The following FBXO5 variants were observed in gnomAD, a reference collection of about 807,000 sequenced individuals.
FBXO5 encodes the protein F-box protein 5.
In FBXO5, 8 loss-of-function variants were observed where a neutral mutation model predicts 43.3. The ratio of observed to expected loss-of-function variants is 0.18; its 90% CI spans 0.11 to 0.33. The LOEUF (loss-of-function observed/expected upper bound fraction) is 0.33, where lower values mean the gene tolerates loss of function less well. Ranked by LOEUF, FBXO5 falls within the 10% of genes least tolerant of loss-of-function variation. FBXO5 has a pLI of 1.00. For missense variants in FBXO5, 491 were observed against 535.7 expected, an observed-to-expected ratio of 0.92 and a Z score of 0.82; for synonymous variants, 204 against 193.7, an observed-to-expected ratio of 1.05 and a Z score of -0.44.
chr6:152,973,020 T>C (rs1473030269), intron 3 of FBXO5, 26 bp downstream of exon 3: 2 of 1,593,486 alleles, frequency 1.3e-6, no homozygotes, highest in South Asian at 1.1e-5. Context: ...CATTTTTAAC[T>C]AAAAACATCA....
In FBXO5 at chr6:152,970,705, A is replaced by G. The variant is rs1409759469; in HGVS notation, c.*458T>C. 1 of 152,580 alleles carries G rather than the reference A, an allele frequency of 6.6e-6. No individual in the cohort carries two copies. 9.5% of individuals were successfully genotyped at this position (152,580 alleles called of 1,614,324 possible). A position where few individuals can be genotyped will look rare whatever the true frequency, so the allele number is the denominator to read the frequency against. On this transcript the variant is annotated 3_prime_UTR_variant, in exon 5 of 5. Coordinates refer to ENST00000229758, the MANE Select transcript of FBXO5 (RefSeq NM_012177.5). ...ACTTTCTTGGGAAATACACACAATG[A>G]AAAAAAGCTTTAGAAAGGTGACAAC...
At chr6:152,976,153 A>T (rs1372840829) in intron 1 of FBXO5, among the ~76,000 whole-genome samples, 2 of 152,230 alleles carry the variant, frequency 1.3e-5, no homozygotes, top group African/African-American at 4.8e-5. Flanking sequence ...AGATTAGTAC[A>T]GGAGGACAAG....
rs564680656 is a variant in FBXO5 at position 152,981,987 on chromosome 6, C to T, written c.103+870G>A. On this transcript the variant is annotated intron_variant, in intron 1 of 4. Transcript: ENST00000229758. ...GACTATCTAATTCTTCATGAGTTAT[C>T]GGGAAAAAGTCACCAATTCTTCGAT... Among the ~76,000 whole-genome samples the T allele has an allele frequency of 2.0e-5, 3 of 152,278 alleles. No homozygotes were observed. In the East Asian group the frequency reaches 5.8e-4, roughly 29 times the overall value.
At chr6:152,977,588 A>C (rs1233489337) in intron 1 of FBXO5, among the ~76,000 whole-genome samples, 3 of 152,230 alleles carry the variant, frequency 2.0e-5, no homozygotes, top group Non-Finnish European at 4.4e-5. Flanking sequence ...CCCTAAACCT[A>C]GAACAAATGA....
At position 152,972,397 on chromosome 6, in the gene FBXO5, T is replaced by C; in HGVS notation, c.967A>G (p.Thr323Ala). Residue 323 changes from threonine (T) to alanine (A), a missense_variant, in exon 4 of 5, where the codon ACC becomes GCC. Transcript: ENST00000229758. ...ASTREYVMFR[T>A]PLASVQKSAA... Reference sequence around the variant, plus strand: ...GATTTCTGAACAGAAGCCAGTGGGGTTCTGAACATAACATATTCTCTGGTT... The same window carrying C: ...GATTTCTGAACAGAAGCCAGTGGGGCTCTGAACATAACATATTCTCTGGTT... The C allele has an allele frequency of 6.2e-7, 1 of 1,612,330 alleles. No homozygotes were observed. The highest frequency in any genetic ancestry group is 1.1e-5 in the South Asian group (1 of 90,824).
chr6:152,976,853 A>G (rs1316451848), intron 1 of FBXO5, among the ~76,000 whole-genome samples: 1 of 152,122 alleles, frequency 6.6e-6, no homozygotes, highest in African/African-American at 2.4e-5. Flanking sequence ...TGCAGTGAAT[A>G]CCTCTTTGTT....
chr6:152,972,120 A>G, intron 4 of FBXO5, 152 bp downstream of exon 4: 1 of 519,280 alleles, frequency 1.9e-6, no homozygotes, highest in Non-Finnish European at 3.3e-6. Context: ...CTATAATTAA[A>G]TTTAAATGAT....
At position 152,973,156 on chromosome 6, in the gene FBXO5, T is replaced by C. The variant is rs548499325; in HGVS notation, c.819-20A>G. On this transcript the variant is annotated intron_variant, in intron 2 of 4. Coordinates refer to ENST00000229758, the MANE Select transcript of FBXO5 (RefSeq NM_012177.5). The stretch of plus-strand genomic sequence containing the variant: ...GACACACTGGAAAAGTAAATCACCA[T>C]AAATGAAATAATTAAAGCATCACAA... 4.4e-6 allele frequency: 7 copies of C among 1,577,556 alleles called. No homozygotes were observed. The highest frequency in any genetic ancestry group is 6.1e-6 in the Non-Finnish European group (7 of 1,147,460).
chr6:152,982,719 C>T (rs1020356129), intron 1 of FBXO5, 138 bp downstream of exon 1: 2 of 550,890 alleles, frequency 3.6e-6, no homozygotes, highest in Non-Finnish European at 5.9e-6. Context: ...GAACCGCTGC[C>T]GCCGCCCGAG....
rs560092200 is a variant in FBXO5, at chr6:152,974,851, A to G, written c.818+56T>C. ...TTGCATGAGCTGGTGGTACTGAGCCACTAACAGCAATGTTCAGTGTATTAT... is the reference window on the plus strand; with the variant it reads ...TTGCATGAGCTGGTGGTACTGAGCCGCTAACAGCAATGTTCAGTGTATTAT... On this transcript the variant is annotated intron_variant, in intron 2 of 4. Transcript: ENST00000229758. 102 of 1,391,578 alleles carry G rather than the reference A, an allele frequency of 7.3e-5. No homozygotes were observed. The African/African-American group carries it at 1.3e-3, about 18-fold the overall frequency. The allele number at this position is 1,391,578 out of a possible 1,614,324, so 86.2% of individuals were successfully genotyped here. A position where few individuals can be genotyped will look rare whatever the true frequency, so the allele number is the denominator to read the frequency against.
At chr6:152,978,311 A>G (rs1251608354) in intron 1 of FBXO5, among the ~76,000 whole-genome samples, 2 of 126,652 alleles carry the variant, frequency 1.6e-5, no homozygotes, top group Non-Finnish European at 3.1e-5. Flanking sequence ...TTCCCTGCTT[A>G]GAATCTTTTC....
At chr6:152,974,359 T>C (rs1778131825) in intron 2 of FBXO5, among the ~76,000 whole-genome samples, 1 of 152,212 alleles carries the variant, frequency 6.6e-6, no homozygotes, top group Non-Finnish European at 1.5e-5. Flanking sequence ...CTATTAGACA[T>C]GTAGACTGGA....
At chr6:152,974,792 T>C in intron 2 of FBXO5, 115 bp downstream of exon 2, 1 of 788,776 alleles carries the variant, frequency 1.3e-6, no homozygotes. Flanking sequence ...ACTAAGCATT[T>C]CAGATGAGGG....
chr6:152,981,338 A>T (rs1316891494), intron 1 of FBXO5, among the ~76,000 whole-genome samples: 1 of 152,164 alleles, frequency 6.6e-6, no homozygotes, highest in Non-Finnish European at 1.5e-5. Context: ...AATATCATAA[A>T]TAAGGCTGCA....
Position 152,982,905 on chromosome 6 carries a change from C to T in FBXO5, c.55G>A (p.Ala19Thr). 1 of 1,496,252 alleles carries T rather than the reference C, an allele frequency of 6.7e-7. No homozygotes were observed. The highest frequency in any genetic ancestry group is 8.8e-7 in the Non-Finnish European group (1 of 1,130,156). The allele number at this position is 1,496,252 out of a possible 1,614,324, so 92.7% of individuals were successfully genotyped here. ...ALRPPRCSCS[A>T]SPSAVTAAGR... The stretch of plus-strand genomic sequence containing the variant: ...GCGGCTGTCACTGCGCTGGGGCTGG[C>T]GCTGCAGGAGCAGCGGGGTGGCCGT... Residue 19 changes from alanine (A) to threonine (T), a missense_variant, in exon 1 of 5, where the codon GCC (alanine) becomes ACC (threonine). Ala to Thr is a moderately conservative substitution (Grantham distance 58). Transcript: ENST00000229758.
At position 152,972,081 on chromosome 6, in the gene FBXO5, T is replaced by C. The variant is rs146927848; in HGVS notation, c.1092+191A>G. Reference sequence around the variant, plus strand: ...ATTGAGAGCGAAATGAAGAGGACACTAATGAAATCCCTAATAGTTCTAATT... The same window carrying C: ...ATTGAGAGCGAAATGAAGAGGACACCAATGAAATCCCTAATAGTTCTAATT... On this transcript the variant is annotated intron_variant, in intron 4 of 4. Transcript: ENST00000229758. Among the ~76,000 whole-genome samples the C allele has an allele frequency of 7.9e-3, 1,206 of 152,250 alleles. 16 individuals carry two copies. The highest frequency in any genetic ancestry group is 0.028 in the African/African-American group (1,152 of 41,560).
At chr6:152,979,448 T>A (rs1262132167) in intron 1 of FBXO5, among the ~76,000 whole-genome samples, 1 of 152,224 alleles carries the variant, frequency 6.6e-6, no homozygotes, top group East Asian at 1.9e-4. Context: ...TGAACTGTTG[T>A]TAGCCTTGAT....
upstream of FBXO5, chr6:152,983,298 G>C (rs1027610587): frequency 4.0e-6 from 1 of 251,450 alleles, no homozygotes; most frequent in Non-Finnish European, 7.6e-6. Context: ...GGGAGGCCGC[G>C]GCCCGGCCAC....
chr6:152,972,148 T>G (rs1367284844), intron 4 of FBXO5, 124 bp downstream of exon 4: 1 of 574,166 alleles, frequency 1.7e-6, no homozygotes, highest in Non-Finnish European at 2.9e-6. Context: ...ATCAGGTTTC[T>G]TAATGTCAGA....
Sources: allele counts gnomAD v4.1 joint callset (sites outside exome capture counted in the v4.1 genomes callset), GRCh38; gene constraint gnomAD v4.1.1; transcripts MANE v1.5; gene names NCBI Gene and HGNC (gene_info 2026-07-23, HGNC 2026-07-21).